Variants in SUGCT observed in about 807,000 individuals in gnomAD.
SUGCT encodes the protein succinyl-CoA:glutarate-CoA transferase, also known as succinyl-CoA:glutarate CoA-transferase.
SUGCT carries 41 observed loss-of-function variants against 55.0 expected under a neutral mutation model. That is an observed-to-expected ratio of 0.74 (90% CI 0.58 to 0.97). The LOEUF (loss-of-function observed/expected upper bound fraction) is 0.97, where lower values mean the gene tolerates loss of function less well. Among genes scored for constraint, SUGCT ranks in the 50% least tolerant of loss-of-function variants. The pLI, the probability that SUGCT is intolerant of heterozygous loss-of-function variation, is 0.00. For missense variants in SUGCT, 568 were observed against 547.8 expected (o/e 1.04, Z -0.37); for synonymous variants, 187 against 200.4 (o/e 0.93, Z 0.56).
intron 1 of SUGCT, chr7:40,153,392 G>A (rs2150614984): frequency 2.7e-6 from 1 of 369,046 alleles, no homozygotes; most frequent in South Asian, 2.5e-5. Context: ...TATTTTAAGT[G>A]GAAGGCCGAC....
At chr7:40,971,471 G>A in the SUGCT span, among the ~76,000 whole-genome samples, 3 of 152,258 alleles carry the variant, frequency 2.0e-5, no homozygotes, top group Middle Eastern at 3.4e-3. Context: ...CTAGATTCAA[G>A]CCAGAGCAGT....
At chr7:40,417,352 T>C (rs564771608) in intron 9 of SUGCT, among the ~76,000 whole-genome samples, 21 of 152,096 alleles carry the variant, frequency 1.4e-4, no homozygotes, top group Middle Eastern at 3.4e-3. Context: ...TACATTTTTC[T>C]ATAAGCAAGA....
intron 1 of SUGCT, among the ~76,000 whole-genome samples, chr7:40,176,635 T>C (rs560106117): frequency 6.6e-6 from 1 of 152,076 alleles, no homozygotes; most frequent in East Asian, 1.9e-4. Context: ...ATAATGTTAT[T>C]GATTATTTTG....
the SUGCT span, among the ~76,000 whole-genome samples, chr7:40,935,056 T>A: frequency 6.6e-6 from 1 of 152,186 alleles, no homozygotes; most frequent in Non-Finnish European, 1.5e-5. Flanking sequence ...CATCTTGGAA[T>A]GGACCCAAAA....
At chr7:40,729,686 G>C (rs34967776) in intron 12 of SUGCT, among the ~76,000 whole-genome samples, 196 of 152,280 alleles carry the variant, frequency 1.3e-3, no homozygotes, top group Middle Eastern at 3.4e-3. Flanking sequence ...TTATCTTGTA[G>C]ACCAACAGTT....
At chr7:40,200,132 A>G (rs1200244917) in intron 6 of SUGCT, among the ~76,000 whole-genome samples, 1 of 152,176 alleles carries the variant, frequency 6.6e-6, no homozygotes, top group Non-Finnish European at 1.5e-5. Flanking sequence ...AGAAATGCCC[A>G]AATAGCTCCC....
chr7:40,844,107 T>A (rs1047062096), intron 13 of SUGCT, among the ~76,000 whole-genome samples: 3 of 152,094 alleles, frequency 2.0e-5, no homozygotes, highest in Non-Finnish European at 4.4e-5. Flanking sequence ...CACGGCAGCA[T>A]CCAAGCATGT....
At chr7:40,355,914 G>A (rs1023509188) in intron 9 of SUGCT, among the ~76,000 whole-genome samples, 1 of 152,214 alleles carries the variant, frequency 6.6e-6, no homozygotes, top group Non-Finnish European at 1.5e-5. Flanking sequence ...TCATTGCCTG[G>A]AAGGCATTTC....
At chr7:40,830,281 G>C (rs532615480) in intron 13 of SUGCT, among the ~76,000 whole-genome samples, 1 of 152,238 alleles carries the variant, frequency 6.6e-6, no homozygotes, top group East Asian at 1.9e-4. Context: ...CCTTCCAAGG[G>C]CTTGAGTACC....
At chr7:40,457,151 T>C (rs1789534931) in intron 10 of SUGCT, among the ~76,000 whole-genome samples, 1 of 152,076 alleles carries the variant, frequency 6.6e-6, no homozygotes, top group Admixed American at 6.6e-5. Context: ...GCTTTTTAAA[T>C]TTTTCTGGCC....
intron 9 of SUGCT, among the ~76,000 whole-genome samples, chr7:40,409,336 T>C (rs1786546490): frequency 6.6e-6 from 1 of 151,346 alleles, no homozygotes; most frequent in Admixed American, 6.6e-5. Flanking sequence ...CGATCATGGC[T>C]CACAGCAGCC....
chr7:40,409,142 C>G (rs1404809381), intron 9 of SUGCT, among the ~76,000 whole-genome samples: 1 of 151,930 alleles, frequency 6.6e-6, no homozygotes, highest in East Asian at 1.9e-4. Context: ...TTTTGTTGAG[C>G]TGGGGTTTTA....
intron 6 of SUGCT, among the ~76,000 whole-genome samples, chr7:40,223,979 C>T (rs1788186247): frequency 2.6e-5 from 4 of 152,144 alleles, no homozygotes; most frequent in South Asian, 2.1e-4. Context: ...CACAGGCTGA[C>T]GTAGTGCTGC....
intron 12 of SUGCT, among the ~76,000 whole-genome samples, chr7:40,703,739 G>A (rs1785270591): frequency 6.6e-6 from 1 of 152,210 alleles, no homozygotes; most frequent in African/African-American, 2.4e-5. Context: ...ACAGAAACAT[G>A]GGCTATCTCT....
chr7:40,244,219 C>T (rs190996834), intron 7 of SUGCT, among the ~76,000 whole-genome samples: 7 of 152,076 alleles, frequency 4.6e-5, no homozygotes, highest in Admixed American at 2.6e-4. Flanking sequence ...AAATGTGGTT[C>T]AGGGTAGGAC....
At chr7:40,320,022 C>T (rs980804512) in intron 9 of SUGCT, among the ~76,000 whole-genome samples, 1 of 152,108 alleles carries the variant, frequency 6.6e-6, no homozygotes, top group Non-Finnish European at 1.5e-5. Flanking sequence ...TTAGATTTCA[C>T]TGCTTCTTTT....
the SUGCT span, among the ~76,000 whole-genome samples, chr7:41,017,508 C>T: frequency 3.9e-5 from 6 of 152,214 alleles, no homozygotes; most frequent in Middle Eastern, 3.4e-3. Flanking sequence ...CGGTGGCTCA[C>T]GCCTGTAATC....
At chr7:40,559,460 G>C (rs188557785) in intron 12 of SUGCT, among the ~76,000 whole-genome samples, 1 of 152,318 alleles carries the variant, frequency 6.6e-6, no homozygotes, top group African/African-American at 2.4e-5. Context: ...ATGTGATAAA[G>C]TCACCCAGTG....
intron 11 of SUGCT, among the ~76,000 whole-genome samples, chr7:40,492,312 A>G (rs1397236652): frequency 1.3e-5 from 2 of 152,086 alleles, no homozygotes; most frequent in Non-Finnish European, 2.9e-5. Flanking sequence ...TTTGTTATTG[A>G]TAATAATATG....
Sources: allele counts gnomAD v4.1 joint callset (sites outside exome capture counted in the v4.1 genomes callset), GRCh38; gene constraint gnomAD v4.1.1; transcripts MANE v1.5; gene names NCBI Gene and HGNC (gene_info 2026-07-23, HGNC 2026-07-21).